Variants in UGP2 observed in about 807,000 individuals in gnomAD.
The protein encoded by UGP2 is UTP--glucose-1-phosphate uridylyltransferase.
A neutral mutation model predicts 49.0 loss-of-function variants in UGP2; 40 were observed. The observed-to-expected ratio is 0.82, with a 90% CI of 0.63 to 1.06. The LOEUF is 1.06. Ranked by LOEUF, UGP2 falls within the 50% of genes least tolerant of loss-of-function variation. The pLI is 0.00. For synonymous variants in UGP2, 225 were observed against 213.0 expected, an observed-to-expected ratio of 1.06 and a Z score of -0.49; for missense variants, 460 against 603.5, an observed-to-expected ratio of 0.76 and a Z score of 2.49.
At chr2:63,882,281 G>T (rs1475164612) in intron 3 of UGP2, among the ~76,000 whole-genome samples, 185 bp from the exon 4 acceptor site, 2 of 152,146 alleles carry the variant, frequency 1.3e-5, no homozygotes, top group South Asian at 4.1e-4. Flanking sequence ...GTGTGCAAGG[G>T]AAGTTGCCTG....
rs911162146 is a variant in UGP2 at position 63,891,002 on chromosome 2, T to G, written c.1420-118T>G. On this transcript the variant is annotated intron_variant, in intron 9 of 9. Coordinates refer to ENST00000337130, the MANE Select transcript of UGP2 (RefSeq NM_006759.4). ...TTTGTTTTTCATGTTTAATATTGTT[T>G]ATAAAAAAAGTTACTTCACTGTAAA... is the stretch of plus-strand genomic sequence containing the variant. The G allele has an allele frequency of 6.1e-6, 4 of 655,546 alleles. No homozygotes were observed. In the African/African-American group the frequency reaches 7.6e-5, roughly 13 times the overall value. The allele number at this position is 655,546 out of a possible 1,614,324, so 40.6% of individuals were successfully genotyped here. A position where few individuals can be genotyped will look rare whatever the true frequency, so the allele number is the denominator to read the frequency against.
intron 3 of UGP2, among the ~76,000 whole-genome samples, chr2:63,877,999 CAAAAAAAAAAAAAAAAAAAA>C (rs61669991): frequency 1.5e-5 from 1 of 67,886 alleles, no homozygotes; most frequent in Non-Finnish European, 2.6e-5. Flanking sequence ...GACTCCGTCT[CAAAAAAAAAAAAAAAAAAAA>C]AAAAAAAAAA....
chr2:63,855,909 G>T, intron 1 of UGP2: 1 of 218,778 alleles, frequency 4.6e-6, no homozygotes, highest in Non-Finnish European at 9.4e-6. Flanking sequence ...CCTTTAGTGA[G>T]ATCCATCTGT....
At chr2:63,868,385 T>C (rs548733641) in intron 3 of UGP2, among the ~76,000 whole-genome samples, 71 of 152,354 alleles carry the variant, frequency 4.7e-4, no homozygotes, top group African/African-American at 1.5e-3. Flanking sequence ...AAATGTCTTT[T>C]CTTAATTTTT....
rs146422505 is a variant in UGP2, at chr2:63,872,966, G to C, written c.256-9500G>C. On this transcript the variant is annotated intron_variant, in intron 3 of 9. Transcript: ENST00000337130. ...TGCAGAGGAGGAGAGTGAGCTCCAC[G>C]TATTACTGTAATTCACCTTCTTCTG... 1.1e-4 allele frequency among the ~76,000 whole-genome samples: 17 copies of C among 152,218 alleles called. No individual in the cohort carries two copies. In the South Asian group the frequency reaches 1.9e-3, roughly 17 times the overall value.
At chr2:63,842,501 T>A in intron 1 of UGP2, 1 of 1,536,160 alleles carries the variant, frequency 6.5e-7, no homozygotes, top group Non-Finnish European at 8.7e-7. Context: ...TTTTGGCTGC[T>A]AATTAATCCT....
intron 8 of UGP2, 166 bp downstream of exon 8, chr2:63,887,810 T>C (rs1671793863): frequency 2.1e-6 from 2 of 930,330 alleles, no homozygotes; most frequent in Non-Finnish European, 3.1e-6. Flanking sequence ...GATAAATATT[T>C]TACTTCACAT....
At chr2:63,886,001 C>T (rs1330175626) in intron 6 of UGP2, 115 bp downstream of exon 6, 1 of 1,169,894 alleles carries the variant, frequency 8.5e-7, no homozygotes. Context: ...TTAATATGTT[C>T]TGTTTGACAT....
chr2:63,875,715 G>A (rs905610538), intron 3 of UGP2, among the ~76,000 whole-genome samples: 1 of 152,238 alleles, frequency 6.6e-6, no homozygotes, highest in African/African-American at 2.4e-5. Context: ...AGTGAGAAGA[G>A]AACATGAGTG....
At chr2:63,842,746 C>T (rs551062064) in intron 1 of UGP2, 4 of 714,006 alleles carry the variant, frequency 5.6e-6, no homozygotes, top group African/African-American at 1.8e-5. Flanking sequence ...GGAGAAATGA[C>T]TTTGCTGCAT....
chr2:63,860,914 T>C (rs1669795812), intron 3 of UGP2, among the ~76,000 whole-genome samples: 1 of 152,060 alleles, frequency 6.6e-6, no homozygotes, highest in Non-Finnish European at 1.5e-5. Context: ...ACATATTTTA[T>C]AGATAGGCAT....
chr2:63,871,009 C>T (rs986699718), intron 3 of UGP2, among the ~76,000 whole-genome samples: 3 of 152,194 alleles, frequency 2.0e-5, no homozygotes, highest in African/African-American at 7.2e-5. Flanking sequence ...TGCACATACA[C>T]ACACAAAATA....
intron 1 of UGP2, chr2:63,855,539 T>TC (rs1373170480): frequency 1.9e-5 from 5 of 268,926 alleles, no homozygotes; most frequent in Non-Finnish European, 2.9e-5. Context: ...TTTTTTTTTT[T>TC]TTCTCTTTTC....
chr2:63,847,650 G>A (rs141700545), intron 1 of UGP2, among the ~76,000 whole-genome samples: 13 of 152,266 alleles, frequency 8.5e-5, no homozygotes, highest in African/African-American at 3.1e-4. Context: ...GTTCTCTGGC[G>A]GGCAGGAGTG....
Position 63,882,682 on chromosome 2 carries a change from A to G in UGP2, c.441+31A>G, listed in dbSNP as rs759885366. 8 of 1,461,260 alleles carry G rather than the reference A, an allele frequency of 5.5e-6. No homozygotes were observed. The African/African-American group carries it at 9.8e-5, about 18-fold the overall frequency. 90.5% of individuals were successfully genotyped at this position (1,461,260 alleles called of 1,614,324 possible). A position where few individuals can be genotyped will look rare whatever the true frequency, so the allele number is the denominator to read the frequency against. On this transcript the variant is annotated intron_variant, in intron 4 of 9. Transcript: ENST00000337130. ...TAACATTTAGCCTTTCTCATGAGAT[A>G]CTAAAATAGTTTTTAGTTTTTAAGT...
chr2:63,876,781 T>C (rs1670935040), intron 3 of UGP2, among the ~76,000 whole-genome samples: 2 of 152,350 alleles, frequency 1.3e-5, no homozygotes, highest in South Asian at 4.1e-4. Flanking sequence ...CCAGGGCCTG[T>C]TCCCAGAAGT....
intron 4 of UGP2, 51 bp from the exon 5 acceptor site, chr2:63,883,905 ATTTG>A (rs1348818538): frequency 6.4e-7 from 1 of 1,558,960 alleles, no homozygotes; most frequent in Non-Finnish European, 8.6e-7. Flanking sequence ...AATTTTGCAT[ATTTG>A]AGCAAAAGAA....
At chr2:63,866,517 G>C (rs1670197506) in intron 3 of UGP2, among the ~76,000 whole-genome samples, 1 of 152,202 alleles carries the variant, frequency 6.6e-6, no homozygotes, top group Non-Finnish European at 1.5e-5. Context: ...TAATGTTAGA[G>C]CTGAGACTTG....
At chr2:63,884,206 C>A in intron 5 of UGP2, 113 bp downstream of exon 5, 1 of 1,292,348 alleles carries the variant, frequency 7.7e-7, no homozygotes, top group Non-Finnish European at 1.1e-6. Flanking sequence ...TTGATGTTCA[C>A]AAGTGTTTGA....
Sources: gnomAD v4.1 joint callset for allele counts (sites outside exome capture counted in the v4.1 genomes callset) on GRCh38, gnomAD v4.1.1 for gene constraint, MANE v1.5 for transcripts, NCBI Gene and HGNC (gene_info 2026-07-23, HGNC 2026-07-21) for gene names.